SAV1: variants seen among roughly 807,000 people sequenced by gnomAD.
SAV1 encodes protein salvador homolog 1.
Under a neutral mutation model 47.3 loss-of-function variants are expected in SAV1, and 23 were observed. The observed-to-expected ratio is 0.49, with a 90% CI of 0.35 to 0.69. The LOEUF (loss-of-function observed/expected upper bound fraction) is 0.69. Among genes scored for constraint, SAV1 ranks in the 30% least tolerant of loss-of-function variants. The pLI, the probability that SAV1 is intolerant of heterozygous loss-of-function variation, is 0.01. For missense variants in SAV1, 448 were observed against 457.4 expected (o/e 0.98, Z 0.19); for synonymous variants, 155 against 159.2 (o/e 0.97, Z 0.20).
chr14:50,637,440 G>A (rs1451255905), intron 4 of SAV1, among the ~76,000 whole-genome samples: 1 of 152,118 alleles, frequency 6.6e-6, no homozygotes, highest in Non-Finnish European at 1.5e-5. Flanking sequence ...AGTTAGCTAA[G>A]AGGCAATTCA....
chr14:50,650,397 GAA>G (rs1408221710), intron 2 of SAV1, among the ~76,000 whole-genome samples: 1 of 152,128 alleles, frequency 6.6e-6, no homozygotes, highest in East Asian at 1.9e-4. Flanking sequence ...TGTATTATGT[GAA>G]AAAAGAGTCT....
At chr14:50,667,279 T>G in intron 1 of SAV1, 7 of 266,136 alleles carry the variant, frequency 2.6e-5, no homozygotes, top group South Asian at 2.3e-4. Context: ...TCTTGGAATC[T>G]CACGAATATA....
intron 1 of SAV1, among the ~76,000 whole-genome samples, chr14:50,666,041 C>G (rs1595655584): frequency 6.6e-6 from 1 of 152,032 alleles, no homozygotes; most frequent in East Asian, 1.9e-4. Flanking sequence ...TAGAAACTGC[C>G]AAAAATCCTT....
chr14:50,668,022 G>A lies in SAV1; in HGVS notation c.-55C>T, dbSNP rs2039919392. On this transcript the variant is annotated 5_prime_UTR_variant, in exon 1 of 5. Coordinates refer to ENST00000324679, the MANE Select transcript of SAV1 (RefSeq NM_021818.4). The stretch of plus-strand genomic sequence containing the variant: ...AACTGCCTCCCTAGGGCTCCGCGCC[G>A]GGCGCCGGCCGTCTCCGCCGCCACC... The A allele has an allele frequency of 5.9e-6, 8 of 1,363,946 alleles. No individual in the cohort carries two copies. The Admixed American group carries it at 7.7e-5, about 13-fold the overall frequency. The allele number at this position is 1,363,946 out of a possible 1,614,324, so 84.5% of individuals were successfully genotyped here. A position where few individuals can be genotyped will look rare whatever the true frequency, so the allele number is the denominator to read the frequency against.
At chr14:50,658,755 TATTC>T (rs2039834001) in intron 2 of SAV1, among the ~76,000 whole-genome samples, 1 of 152,242 alleles carries the variant, frequency 6.6e-6, no homozygotes, top group African/African-American at 2.4e-5. Context: ...TTCTCCTTTC[TATTC>T]ATTCAAATTC....
At position 50,644,770 on chromosome 14, in the gene SAV1, G is replaced by A; in HGVS notation, c.780C>T (p.Ala260=). 1 of 1,614,024 alleles carries A rather than the reference G, an allele frequency of 6.2e-7. No homozygotes were observed. ...TAGGAGCACAGGGATGCCTGTATTGGGCCTTCTTATTTGTGTGATCTACAT... is the reference window on the plus strand; with the variant it reads ...TAGGAGCACAGGGATGCCTGTATTGAGCCTTCTTATTTGTGTGATCTACAT... ...TYYVDHTNKK[A]QYRHPCAPSV... is the part of the protein sequence containing the mutation. Residue 260 remains alanine (A), a synonymous_variant, in exon 3 of 5, where the codon GCC becomes GCT. Coordinates refer to ENST00000324679, the MANE Select transcript of SAV1 (RefSeq NM_021818.4).
At chr14:50,658,034 T>C (rs781758497) in intron 2 of SAV1, among the ~76,000 whole-genome samples, 11 of 152,176 alleles carry the variant, frequency 7.2e-5, no homozygotes, top group Non-Finnish European at 1.0e-4. Context: ...TGCTACACAT[T>C]ATTAGCATGT....
intron 1 of SAV1, among the ~76,000 whole-genome samples, chr14:50,667,014 C>T (rs765840913): frequency 6.6e-6 from 1 of 151,972 alleles, no homozygotes; most frequent in Admixed American, 6.6e-5. Context: ...CTACCAGCTT[C>T]CAAGAAGGAA....
At position 50,634,330 on chromosome 14, in the gene SAV1, CTTA is replaced by C; in HGVS notation, c.*850_*852del. ...TTCTCAACATGCTTTAAAAGGATTC[CTTA>C]TTTTGTTTTTATTTTTTTATTTTTT... On this transcript the variant is annotated 3_prime_UTR_variant, in exon 5 of 5. Transcript: ENST00000324679. 1 of 274,022 alleles carries C rather than the reference CTTA, an allele frequency of 3.6e-6. No individual in the cohort carries two copies. The highest frequency in any genetic ancestry group is 3.4e-5 in the South Asian group (1 of 29,414). 17.0% of individuals were successfully genotyped at this position (274,022 alleles called of 1,614,324 possible).
rs2039895079 is a variant in SAV1, at chr14:50,665,560, G to A, written c.154C>T (p.Leu52Phe). 1.9e-6 allele frequency: 3 copies of A among 1,613,848 alleles called. No homozygotes were observed. Among genetic ancestry groups the A allele is most frequent in the Non-Finnish European group, 2.5e-6 (3 of 1,179,886 alleles). ...PTIPRRTDICLPDSSPNAFST... is the reference protein window; with the variant it reads ...PTIPRRTDICFPDSSPNAFST... Reference sequence around the variant, plus strand: ...AAGGCATTAGGGCTTGAATCTGGAAGACAGATATCAGTTCGTCTTGGAATT... The same window carrying A: ...AAGGCATTAGGGCTTGAATCTGGAAAACAGATATCAGTTCGTCTTGGAATT... Residue 52 changes from leucine to phenylalanine, a missense_variant, in exon 2 of 5, where the codon CTT (leucine) becomes TTT (phenylalanine). Physicochemically the swap from Leu to Phe is conservative, Grantham distance 22 (BLOSUM62 0). Coordinates refer to ENST00000324679, the MANE Select transcript of SAV1 (RefSeq NM_021818.4).
At chr14:50,635,429 A>G in intron 4 of SAV1, 45 bp from the exon 5 acceptor site, 1 of 1,395,612 alleles carries the variant, frequency 7.2e-7, no homozygotes, top group South Asian at 1.2e-5. Context: ...CACATACATA[A>G]ACATGTATTT....
At chr14:50,645,578 A>G (rs955278593) in intron 2 of SAV1, among the ~76,000 whole-genome samples, 1 of 152,152 alleles carries the variant, frequency 6.6e-6, no homozygotes, top group African/African-American at 2.4e-5. Context: ...AAATAAAAAA[A>G]AAAATCCAAA....
intron 3 of SAV1, among the ~76,000 whole-genome samples, chr14:50,642,679 GA>G (rs1247121581): frequency 6.6e-6 from 1 of 152,044 alleles, no homozygotes; most frequent in Non-Finnish European, 1.5e-5. Flanking sequence ...ACAATGGGGA[GA>G]AAAAAATGCA....
chr14:50,654,273 A>C (rs2039794050), intron 2 of SAV1, among the ~76,000 whole-genome samples: 1 of 152,230 alleles, frequency 6.6e-6, no homozygotes, highest in South Asian at 2.1e-4. Context: ...TTATCAATTA[A>C]ATTTATTTAA....
In SAV1 at chr14:50,644,821, A is replaced by G. The variant is rs1347302848; in HGVS notation, c.729T>C (p.Val243=). The change falls in exon 3 of 5, where the codon GTT becomes GTC. Residue 243 remains valine, a synonymous_variant. Transcript: ENST00000324679. ...REGLPPGWER[V]ESSEFGTYYV... is the part of the protein sequence containing the mutation. ...AATAGGTTCCAAATTCGGATGACTC[A>G]ACTCGTTCCCATCCAGGAGGAAGTC... 6.2e-7 allele frequency: 1 copy of G among 1,614,166 alleles called. No homozygotes were observed.
At position 50,640,857 on chromosome 14, in the gene SAV1, G is replaced by A. The variant is rs1273453086; in HGVS notation, c.843C>T (p.Tyr281=). 6.2e-7 allele frequency: 1 copy of A among 1,613,352 alleles called. No homozygotes were observed. The highest frequency in any genetic ancestry group is 2.2e-5 in the East Asian group (1 of 44,864). ...PRYDQPPPVT[Y]QPQQTERNQS... The stretch of plus-strand genomic sequence containing the variant: ...GATTTCTTTCAGTTTGCTGTGGCTG[G>A]TATGTGACAGGAGGTGGTTGATCAT... The change falls in exon 4 of 5, where the codon TAC becomes TAT. Residue 281 remains tyrosine (Y), a synonymous_variant. Coordinates refer to ENST00000324679, the MANE Select transcript of SAV1 (RefSeq NM_021818.4).
intron 3 of SAV1, 75 bp from the exon 4 acceptor site, chr14:50,640,968 T>A (rs933767608): frequency 5.8e-6 from 8 of 1,370,910 alleles, no homozygotes; most frequent in Non-Finnish European, 6.9e-6. Context: ...GAACAAATAA[T>A]ACTTAAGCAT....
intron 3 of SAV1, 42 bp downstream of exon 3, chr14:50,644,702 C>T (rs760391503): frequency 1.9e-6 from 3 of 1,568,676 alleles, no homozygotes; most frequent in South Asian, 1.2e-5. Flanking sequence ...TAACATTAGA[C>T]AATCCCGAAA....
At chr14:50,655,353 G>C (rs1362689139) in intron 2 of SAV1, among the ~76,000 whole-genome samples, 1 of 151,766 alleles carries the variant, frequency 6.6e-6, no homozygotes, top group Non-Finnish European at 1.5e-5. Flanking sequence ...TAATATTTTG[G>C]CTAACAGAGC....
Sources: gnomAD v4.1 joint callset for allele counts (sites outside exome capture counted in the v4.1 genomes callset) on GRCh38, gnomAD v4.1.1 for gene constraint, MANE v1.5 for transcripts, NCBI Gene and HGNC (gene_info 2026-07-23, HGNC 2026-07-21) for gene names.